The following CDHR1 variants were observed in gnomAD, a reference collection of about 807,000 sequenced individuals.
CDHR1 encodes the protein cadherin-related family member 1.
A neutral mutation model predicts 72.1 loss-of-function variants in CDHR1; 61 were observed. That is an observed-to-expected ratio of 0.85 (90% CI 0.69 to 1.05). The LOEUF (loss-of-function observed/expected upper bound fraction) is 1.05. Ranked by LOEUF, CDHR1 falls within the 50% of genes least tolerant of loss-of-function variation. The pLI is 0.00. For missense variants in CDHR1, 1,186 were observed against 1,115.7 expected, an observed-to-expected ratio of 1.06 and a Z score of -0.90; for synonymous variants, 470 against 448.1, an observed-to-expected ratio of 1.05 and a Z score of -0.62.
intron 7 of CDHR1, 28 bp downstream of exon 7, chr10:84,201,948 A>C (rs750307646): frequency 9.1e-6 from 14 of 1,533,286 alleles, no homozygotes; most frequent in Non-Finnish European, 1.2e-5. Flanking sequence ...GGGAGCATCC[A>C]GTGTCTCCTC....
At chr10:84,213,485 A>G in intron 16 of CDHR1, 137 bp downstream of exon 16, 1 of 1,159,704 alleles carries the variant, frequency 8.6e-7, no homozygotes, top group Admixed American at 1.8e-5. Context: ...AGCCTGTGCC[A>G]TCAAACACAC....
intron 2 of CDHR1, 122 bp downstream of exon 2, chr10:84,195,711 C>T: frequency 1.3e-6 from 1 of 799,146 alleles, no homozygotes. Context: ...CTTGTTTGCT[C>T]TCCGAATTCC....
At chr10:84,212,078 T>C in intron 14 of CDHR1, 101 bp from the exon 15 acceptor site, 1 of 1,041,198 alleles carries the variant, frequency 9.6e-7, no homozygotes, top group African/African-American at 1.6e-5. Flanking sequence ...GCATGACACC[T>C]CACTCCTGCT....
chr10:84,197,028 G>A (rs948887898), intron 3 of CDHR1, among the ~76,000 whole-genome samples: 1 of 152,200 alleles, frequency 6.6e-6, no homozygotes, highest in African/African-American at 2.4e-5. Context: ...GTCAAGGCTG[G>A]AAAGGGTGGT....
chr10:84,196,343 CA>C (rs1205628985), intron 2 of CDHR1, among the ~76,000 whole-genome samples, 161 bp from the exon 3 acceptor site: 1 of 152,208 alleles, frequency 6.6e-6, no homozygotes, highest in Non-Finnish European at 1.5e-5. Flanking sequence ...AAGCAGCCAG[CA>C]GGGGTGAGGC....
At position 84,211,179 on chromosome 10, in the gene CDHR1, T is replaced by C. The variant is rs751405017; in HGVS notation, c.1485+14T>C. The C allele has an allele frequency of 2.5e-6, 4 of 1,614,038 alleles. No homozygotes were observed. The highest frequency in any genetic ancestry group is 1.7e-5 in the Admixed American group (1 of 60,022). Reference sequence around the variant, plus strand: ...GTGGCTGTCACAGTGGGTTGGGCACTGGCCCAGGGACTGGGTGGGATAGGA... The same window carrying C: ...GTGGCTGTCACAGTGGGTTGGGCACCGGCCCAGGGACTGGGTGGGATAGGA... On this transcript the variant is annotated intron_variant, in intron 13 of 16. Coordinates refer to ENST00000623527, the MANE Select transcript of CDHR1 (RefSeq NM_033100.4).
chr10:84,212,495 A>G, intron 15 of CDHR1, 88 bp downstream of exon 15: 1 of 1,232,380 alleles, frequency 8.1e-7, no homozygotes, highest in Non-Finnish European at 1.2e-6. Flanking sequence ...CATTGAAGAT[A>G]AAATTTTTTG....
At chr10:84,218,962 G>A (rs1452736096), downstream of CDHR1, 48 of 561,936 alleles carry the variant, frequency 8.5e-5, 3 homozygotes, top group South Asian at 1.4e-3. Context: ...TGAGAACTTT[G>A]TATGTTAAAA....
rs747473311 is a variant in CDHR1, at chr10:84,214,248, T to C, written c.2207T>C (p.Met736Thr). Residue 736 changes from methionine (M) to threonine (T), a missense_variant, in exon 17 of 17, where the codon ATG (methionine) becomes ACG (threonine). Met to Thr is a moderately conservative substitution (Grantham distance 81). Transcript: ENST00000623527. The stretch of plus-strand genomic sequence containing the variant: ...AAGAAGTCTAACAAGGTCCTGCCAA[T>C]GCGGCGGGTGCTCCGCAAGCGGCCC... ...RNKKSNKVLP[M>T]RRVLRKRPSP... 6.2e-6 allele frequency: 10 copies of C among 1,613,672 alleles called. No individual in the cohort carries two copies. In the Middle Eastern group the frequency reaches 4.9e-4, roughly 80 times the overall value.
At position 84,202,994 on chromosome 10, in the gene CDHR1, G is replaced by T. The variant is rs574048372; in HGVS notation, c.654G>T (p.Arg218Ser). The T allele has an allele frequency of 6.2e-7, 1 of 1,614,164 alleles. No individual in the cohort carries two copies. The highest frequency in any genetic ancestry group is 1.7e-5 in the Admixed American group (1 of 60,028). Residue 218 changes from arginine (R) to serine (S), a missense_variant, in exon 8 of 17, where the codon AGG becomes AGT. Arg to Ser is a moderately radical substitution (Grantham distance 110). Coordinates refer to ENST00000623527, the MANE Select transcript of CDHR1 (RefSeq NM_033100.4). ...TTCTTCTGCAGGATGGCGGTGGGAG[G>T]CTTCATGGGGCTGATGTGGTGTTCT... ...ITVVAKDGGG[R>S]LHGADVVFSA... is the part of the protein sequence containing the mutation.
rs186486854 is a variant in CDHR1 at position 84,213,335 on chromosome 10, T to A, written c.2027T>A (p.Ile676Asn). 8.2e-5 allele frequency: 132 copies of A among 1,614,124 alleles called. 1 individual carries two copies. In the East Asian group the frequency reaches 2.8e-3, roughly 34 times the overall value. Residue 676 changes from isoleucine to asparagine, a missense_variant, in exon 16 of 17, where the codon ATC becomes AAC. Transcript: ENST00000623527. ...ACCACAGCCTTACTCAAGATTGACA[T>A]CACAGATGCTGAGGTGAGTACAAAG... The part of the protein sequence containing the change: ...FSTTALLKID[I>N]TDAETLSRSP...
At chr10:84,209,637 G>A (rs201671335) in intron 12 of CDHR1, among the ~76,000 whole-genome samples, 1,387 of 55,102 alleles carry the variant, frequency 0.025, 34 homozygotes, top group East Asian at 0.12. Flanking sequence ...TGAGAGAAAA[G>A]ACAAAAAAAA....
chr10:84,216,320 A>G lies in CDHR1; in HGVS notation c.*1699A>G, dbSNP rs957493608. ...GCAGAATCCTTGCTGGGGTTTCTAC[A>G]GTCCCCAACGTGAACAGTATTAAGC... On this transcript the variant is annotated 3_prime_UTR_variant, in exon 17 of 17. Transcript: ENST00000623527. 2 of 985,392 alleles carry G rather than the reference A, an allele frequency of 2.0e-6. No homozygotes were observed. Among genetic ancestry groups the G allele is most frequent in the Admixed American group, 1.2e-4 (2 of 16,278 alleles). 61.0% of individuals were successfully genotyped at this position (985,392 alleles called of 1,614,324 possible).
In CDHR1 at chr10:84,194,702, C is replaced by G; in HGVS notation, c.-59C>G. On this transcript the variant is annotated 5_prime_UTR_variant, in exon 1 of 17. Transcript: ENST00000623527. ...GCCCTCCCCGCGGGCCCAGGGCATG[C>G]TCCGTGCCCCTGCGCCCGGTCTCGG... 7.1e-7 allele frequency: 1 copy of G among 1,399,990 alleles called. No individual in the cohort carries two copies. Among genetic ancestry groups the G allele is most frequent in the Non-Finnish European group, 9.3e-7 (1 of 1,070,030 alleles). The allele number at this position is 1,399,990 out of a possible 1,614,324, so 86.7% of individuals were successfully genotyped here.
At position 84,195,582 on chromosome 10, in the gene CDHR1, C is replaced by A. The variant is rs570078445; in HGVS notation, c.144C>A (p.Thr48=). Residue 48 remains threonine (T), a synonymous_variant, in exon 2 of 17, where the codon ACC becomes ACA. Transcript: ENST00000623527. ...CTCTGTTCAGCCTCCCAGAGGACAC[C>A]CCTGTAGGTGAGTAGCCCTGGCACC... ...NMALFSLPED[T]PVGSHVYTLN... is the part of the protein sequence containing the mutation. 6.2e-7 allele frequency: 1 copy of A among 1,613,710 alleles called. No individual in the cohort carries two copies. The highest frequency in any genetic ancestry group is 1.1e-5 in the South Asian group (1 of 91,046).
chr10:84,208,651 G>A (rs536098589), intron 11 of CDHR1, 78 bp from the exon 12 acceptor site: 47 of 1,445,292 alleles, frequency 3.3e-5, no homozygotes, highest in East Asian at 2.3e-4. Context: ...TTAAGGGCAC[G>A]TGAAGACTTC....
At chr10:84,205,179 G>A (rs963853819) in intron 9 of CDHR1, among the ~76,000 whole-genome samples, 11 of 152,154 alleles carry the variant, frequency 7.2e-5, no homozygotes, top group Non-Finnish European at 1.3e-4. Context: ...CCCTGGGCCA[G>A]GCCAGGGCAT....
chr10:84,202,036 G>T (rs1227492383), intron 7 of CDHR1, 116 bp downstream of exon 7: 2 of 773,394 alleles, frequency 2.6e-6, no homozygotes, highest in South Asian at 1.5e-5. Flanking sequence ...GATGGGCGTG[G>T]GGAAATAGGG....
chr10:84,211,794 G>C (rs987412493), intron 14 of CDHR1, 79 bp downstream of exon 14: 1 of 1,237,120 alleles, frequency 8.1e-7, no homozygotes, highest in Non-Finnish European at 1.2e-6. Flanking sequence ...CTGTGGCAGA[G>C]GCAGGAGGGG....
Sources: allele counts gnomAD v4.1 joint callset (sites outside exome capture counted in the v4.1 genomes callset), GRCh38; gene constraint gnomAD v4.1.1; transcripts MANE v1.5; gene names NCBI Gene and HGNC (gene_info 2026-07-23, HGNC 2026-07-21).